The following RAD51B variants were observed in gnomAD, a reference collection of about 807,000 sequenced individuals.
RAD51B encodes DNA repair protein RAD51 homolog 2.
A neutral mutation model predicts 42.2 loss-of-function variants in RAD51B; 38 were observed. The observed-to-expected ratio is 0.90, with a 90% CI of 0.70 to 1.18. RAD51B has a LOEUF of 1.18. RAD51B is among the 50% of genes most tolerant of loss of function. RAD51B has a pLI of 0.00. For missense variants in RAD51B, 373 were observed against 400.7 expected (o/e 0.93, Z 0.59); for synonymous variants, 154 against 145.2 (o/e 1.06, Z -0.43).
At chr14:68,474,361 G>A (rs1882375601) in intron 10 of RAD51B, among the ~76,000 whole-genome samples, 1 of 152,150 alleles carries the variant, frequency 6.6e-6, no homozygotes, top group Admixed American at 6.6e-5. Context: ...TCTTTCCATA[G>A]GCAGTCTTCT....
At chr14:67,940,050 ATATATTTTTTTTTTTTTTTTTTTTTTTTT>A (rs2045132676) in intron 7 of RAD51B, among the ~76,000 whole-genome samples, 1 of 13,886 alleles carries the variant, frequency 7.2e-5, no homozygotes, top group African/African-American at 1.7e-4. Context: ...ATATATATAT[ATATATTTTTTTTTTTTTTTTTTTTTTTTT>A]TTTTTTTTTT....
intron 10 of RAD51B, among the ~76,000 whole-genome samples, chr14:68,604,782 C>A (rs891251444): frequency 7.4e-6 from 1 of 135,680 alleles, no homozygotes; most frequent in Non-Finnish European, 1.7e-5. Flanking sequence ...CTGCTCTGGT[C>A]TCATGTACTT....
At chr14:68,242,532 C>G (rs184758795) in intron 7 of RAD51B, among the ~76,000 whole-genome samples, 14 of 152,248 alleles carry the variant, frequency 9.2e-5, no homozygotes, top group Admixed American at 8.5e-4. Context: ...TCAGTAGTTT[C>G]CTCTAACGTT....
At chr14:67,931,923 A>G (rs1357494964) in intron 7 of RAD51B, among the ~76,000 whole-genome samples, 2 of 151,964 alleles carry the variant, frequency 1.3e-5, no homozygotes, top group Admixed American at 6.6e-5. Flanking sequence ...ACATCTGCAC[A>G]CCTGGTATAA....
Position 68,588,058 on chromosome 14 carries a change from C to T in RAD51B, c.1037-6427C>T, listed in dbSNP as rs534696431. Among the ~76,000 whole-genome samples the T allele has an allele frequency of 5.9e-5, 9 of 152,270 alleles. No individual in the cohort carries two copies. In the South Asian group the frequency reaches 1.7e-3, roughly 28 times the overall value. On this transcript the variant is annotated intron_variant, in intron 10 of 10. Coordinates refer to the RAD51B transcript ENST00000487270. ...GAATGGGTTTTAACAAGCTGGCCAG[C>T]GGACACAGGCACATTCAAGCTTGAG...
chr14:68,646,793 T>C (rs1892572228), intron 10 of RAD51B, among the ~76,000 whole-genome samples: 2 of 152,242 alleles, frequency 1.3e-5, no homozygotes, highest in Admixed American at 6.5e-5. Context: ...TTCAGATCTC[T>C]AATTTGCTTC....
At chr14:68,238,479 T>C (rs942973350) in intron 7 of RAD51B, among the ~76,000 whole-genome samples, 1 of 152,058 alleles carries the variant, frequency 6.6e-6, no homozygotes, top group Non-Finnish European at 1.5e-5. Context: ...TTTTAAAAAA[T>C]TTTTTGTAGA....
chr14:67,894,039 T>G (rs2043323513), intron 7 of RAD51B, among the ~76,000 whole-genome samples: 1 of 152,228 alleles, frequency 6.6e-6, no homozygotes, highest in African/African-American at 2.4e-5. Flanking sequence ...TATTTGCTAA[T>G]TTTATGACCT....
intron 10 of RAD51B, among the ~76,000 whole-genome samples, chr14:68,630,055 G>A (rs898935247): frequency 6.6e-6 from 1 of 152,234 alleles, no homozygotes; most frequent in Non-Finnish European, 1.5e-5. Context: ...TATCACGTCA[G>A]GGAGGATTCT....
intron 7 of RAD51B, among the ~76,000 whole-genome samples, chr14:67,930,390 G>C (rs553516347): frequency 1.1e-4 from 17 of 152,050 alleles, no homozygotes; most frequent in African/African-American, 3.9e-4. Context: ...TAGTCTAGTG[G>C]TGATGAATTT....
chr14:68,393,175 A>G (rs955228683), intron 8 of RAD51B, among the ~76,000 whole-genome samples: 1 of 152,210 alleles, frequency 6.6e-6, no homozygotes, highest in Admixed American at 6.5e-5. Flanking sequence ...TATTAGCTGG[A>G]AGGACTTATC....
chr14:67,995,953 A>T (rs1345290802), intron 7 of RAD51B, among the ~76,000 whole-genome samples: 1 of 152,062 alleles, frequency 6.6e-6, no homozygotes, highest in Non-Finnish European at 1.5e-5. Context: ...CCTTCTCTAC[A>T]TTACTGGTAC....
At position 67,905,319 on chromosome 14, in the gene RAD51B, T is replaced by C. The variant is rs181739811; in HGVS notation, c.756+18115T>C. On this transcript the variant is annotated intron_variant, in intron 7 of 10. Transcript: ENST00000471583. ...CAGTACCATGCTGTTTTGGTTACTG[T>C]AGTCTTGTAATATACTTTGAAGTTG... Among the ~76,000 whole-genome samples, 79 of 152,288 alleles carry C rather than the reference T, an allele frequency of 5.2e-4. No homozygotes were observed. In the Middle Eastern group the frequency reaches 0.01, roughly 20 times the overall value.
chr14:67,957,686 T>C (rs2074579515), intron 7 of RAD51B, among the ~76,000 whole-genome samples: 1 of 152,188 alleles, frequency 6.6e-6, no homozygotes, highest in Non-Finnish European at 1.5e-5. Flanking sequence ...TGCCCCCAAA[T>C]AGTTTACTTG....
At chr14:68,201,271 T>TA (rs2079480154) in intron 7 of RAD51B, among the ~76,000 whole-genome samples, 1 of 152,250 alleles carries the variant, frequency 6.6e-6, no homozygotes, top group Non-Finnish European at 1.5e-5. Context: ...AGCTCTTTCT[T>TA]GGTTACAATT....
intron 7 of RAD51B, among the ~76,000 whole-genome samples, chr14:68,000,952 T>G (rs1261071861): frequency 1.3e-5 from 2 of 152,222 alleles, no homozygotes; most frequent in East Asian, 3.8e-4. Context: ...GGGGAGAATT[T>G]ATGTATTTAT....
intron 7 of RAD51B, among the ~76,000 whole-genome samples, chr14:68,017,727 C>T (rs1417906235): frequency 6.6e-6 from 1 of 151,888 alleles, no homozygotes; most frequent in Non-Finnish European, 1.5e-5. Flanking sequence ...AATCTCAGCA[C>T]TTTGGGAGGC....
intron 5 of RAD51B, among the ~76,000 whole-genome samples, chr14:67,867,342 T>C (rs1441806142): frequency 6.6e-6 from 1 of 152,210 alleles, no homozygotes; most frequent in Non-Finnish European, 1.5e-5. Context: ...TTCTCTCATA[T>C]AACAAGACCT....
rs1181641617 is a variant in RAD51B, at chr14:68,484,354, T to TTTTTC, written c.1036+16109_1036+16113dup. On this transcript the variant is annotated intron_variant, in intron 10 of 10. Transcript: ENST00000487270. Reference sequence around the variant, plus strand: ...AGTTACAGTTGGGCTATTTTCTTTCTTTTTCTTTTTTTTTTTTTTTTGAGA... The same window carrying TTTTTC: ...AGTTACAGTTGGGCTATTTTCTTTCTTTTTCTTTTCTTTTTTTTTTTTTTTTGAGA... 6.0e-4 allele frequency among the ~76,000 whole-genome samples: 68 copies of TTTTTC among 113,096 alleles called. 1 individual carries two copies. The highest frequency in any genetic ancestry group is 2.6e-3 in the African/African-American group (65 of 24,564). The allele number at this position is 113,096 out of a possible 152,430, so 74.2% of individuals were successfully genotyped here. A position where few individuals can be genotyped will look rare whatever the true frequency, so the allele number is the denominator to read the frequency against.
Sources: allele counts gnomAD v4.1 joint callset (sites outside exome capture counted in the v4.1 genomes callset), GRCh38; gene constraint gnomAD v4.1.1; transcripts MANE v1.5; gene names NCBI Gene and HGNC (gene_info 2026-07-23, HGNC 2026-07-21).